The following KIAA1328 variants were observed in gnomAD, a reference collection of about 807,000 sequenced individuals.
KIAA1328 encodes protein hinderin.
Under a neutral mutation model 68.1 loss-of-function variants are expected in KIAA1328, and 52 were observed. The observed-to-expected ratio is 0.76, with a 90% CI of 0.61 to 0.96. KIAA1328 has a LOEUF of 0.96. Ranked by LOEUF, KIAA1328 falls within the 40% of genes least tolerant of loss-of-function variation. The pLI is 0.00. For synonymous variants in KIAA1328, 232 were observed against 239.4 expected (o/e 0.97, Z 0.28); for missense variants, 641 against 677.6 (o/e 0.95, Z 0.60).
chr18:37,106,556 C>T (rs2057781661), intron 7 of KIAA1328, among the ~76,000 whole-genome samples: 1 of 151,938 alleles, frequency 6.6e-6, no homozygotes, highest in African/African-American at 2.4e-5. Context: ...ATAGCTGGAA[C>T]TACAGGCGTG....
chr18:36,883,480 C>T (rs2048386101), intron 4 of KIAA1328, among the ~76,000 whole-genome samples: 1 of 152,210 alleles, frequency 6.6e-6, no homozygotes, highest in Admixed American at 6.5e-5. Flanking sequence ...TCTGAGCAGG[C>T]TGGGCATGCC....
At chr18:36,892,362 GA>G in intron 5 of KIAA1328, among the ~76,000 whole-genome samples, 1 of 152,234 alleles carries the variant, frequency 6.6e-6, no homozygotes, top group East Asian at 1.9e-4. Flanking sequence ...TTAAAATGAA[GA>G]AGACTGTAAA....
At chr18:36,989,652 A>G (rs2053089478) in intron 6 of KIAA1328, among the ~76,000 whole-genome samples, 1 of 152,116 alleles carries the variant, frequency 6.6e-6, no homozygotes, top group Non-Finnish European at 1.5e-5. Flanking sequence ...CAAATGATAT[A>G]TTTTTTTAAG....
At chr18:36,916,495 T>A (rs2049705261) in intron 5 of KIAA1328, among the ~76,000 whole-genome samples, 1 of 152,170 alleles carries the variant, frequency 6.6e-6, no homozygotes, top group South Asian at 2.1e-4. Context: ...ATGAATATAA[T>A]TATAGTAGCT....
intron 6 of KIAA1328, among the ~76,000 whole-genome samples, chr18:37,010,959 T>G (rs1240249569): frequency 1.3e-5 from 2 of 152,120 alleles, no homozygotes; most frequent in Non-Finnish European, 2.9e-5. Context: ...TGGTAAAATT[T>G]TTTGGTTATA....
intron 5 of KIAA1328, among the ~76,000 whole-genome samples, chr18:36,896,538 A>G: frequency 6.6e-6 from 1 of 152,128 alleles, no homozygotes; most frequent in Admixed American, 6.6e-5. Context: ...TAAGGATTTC[A>G]TTTCTTTTTG....
chr18:37,019,870 A>T (rs2054280510), intron 6 of KIAA1328, among the ~76,000 whole-genome samples: 2 of 152,166 alleles, frequency 1.3e-5, no homozygotes. Flanking sequence ...GCTGAAACAG[A>T]TGAGTGGGTA....
chr18:37,077,728 A>G (rs1263105931), intron 7 of KIAA1328, among the ~76,000 whole-genome samples: 1 of 136,294 alleles, frequency 7.3e-6, no homozygotes, highest in African/African-American at 3.2e-5. Context: ...CCCATTCACA[A>G]TTGCTTCAAA....
intron 9 of KIAA1328, among the ~76,000 whole-genome samples, chr18:37,217,663 A>G (rs1021987071): frequency 6.6e-6 from 1 of 152,220 alleles, no homozygotes; most frequent in East Asian, 1.9e-4. Flanking sequence ...TGCTCTTCTC[A>G]AGGAGTATCT....
intron 5 of KIAA1328, among the ~76,000 whole-genome samples, chr18:36,905,862 G>C (rs1472723461): frequency 2.6e-5 from 4 of 152,162 alleles, no homozygotes; most frequent in Non-Finnish European, 5.9e-5. Flanking sequence ...AATTAATTTA[G>C]ACATGGATTA....
intron 9 of KIAA1328, among the ~76,000 whole-genome samples, chr18:37,185,976 G>A (rs942578044): frequency 1.3e-5 from 2 of 151,070 alleles, no homozygotes; most frequent in African/African-American, 4.9e-5. Context: ...TGGCATTCTT[G>A]ATACTATTAG....
intron 9 of KIAA1328, among the ~76,000 whole-genome samples, chr18:37,212,545 A>G (rs2060337021): frequency 6.6e-6 from 1 of 152,160 alleles, no homozygotes; most frequent in Non-Finnish European, 1.5e-5. Flanking sequence ...TTAAAAGGAC[A>G]CCGATAAAGC....
intron 4 of KIAA1328, among the ~76,000 whole-genome samples, chr18:36,885,249 G>A (rs554778057): frequency 1.3e-3 from 204 of 152,064 alleles, no homozygotes; most frequent in African/African-American, 4.8e-3. Flanking sequence ...TTTAAAAATC[G>A]GAATATATTT....
chr18:37,101,490 G>A (rs323288), intron 7 of KIAA1328, among the ~76,000 whole-genome samples: 40,676 of 152,020 alleles, frequency 0.27, 8,587 homozygotes, highest in African/African-American at 0.59. Context: ...GGAAACGAAC[G>A]AAGCCTCCAA....
In KIAA1328 at chr18:37,155,259, C is replaced by T. The variant is rs565689287; in HGVS notation, c.1233-4941C>T. ...CATATTCTTTCTCAACTCTGCCTCC[C>T]TCAACTCTACCACCTCTAAACTCAC... On this transcript the variant is annotated intron_variant, in intron 7 of 9. Transcript: ENST00000280020. Among the ~76,000 whole-genome samples the T allele has an allele frequency of 4.3e-4, 65 of 152,296 alleles. 1 individual carries two copies. Among genetic ancestry groups the T allele is most frequent in the African/African-American group, 1.5e-3 (61 of 41,556 alleles).
intron 9 of KIAA1328, among the ~76,000 whole-genome samples, chr18:37,213,819 T>G (rs1280828444): frequency 6.6e-6 from 1 of 152,222 alleles, no homozygotes; most frequent in African/African-American, 2.4e-5. Flanking sequence ...TGTTATTTCC[T>G]GACTTTTTAA....
chr18:37,032,751 C>T (rs1003722735), intron 6 of KIAA1328, among the ~76,000 whole-genome samples: 1 of 152,144 alleles, frequency 6.6e-6, no homozygotes, highest in Admixed American at 6.5e-5. Flanking sequence ...AAGCGATTCT[C>T]CTGCCCCAGC....
At chr18:37,140,628 T>G (rs1844949433) in intron 7 of KIAA1328, among the ~76,000 whole-genome samples, 1 of 152,130 alleles carries the variant, frequency 6.6e-6, no homozygotes, top group South Asian at 2.1e-4. Context: ...GGAAATAGAG[T>G]TCAGTAAAAT....
At chr18:37,184,417 GGA>G (rs1599536755) in intron 9 of KIAA1328, among the ~76,000 whole-genome samples, 4 of 152,194 alleles carry the variant, frequency 2.6e-5, no homozygotes, top group Admixed American at 2.6e-4. Flanking sequence ...GTATCAATGA[GGA>G]TATCAGATAT....
Sources: allele counts gnomAD v4.1 joint callset (sites outside exome capture counted in the v4.1 genomes callset), GRCh38; gene constraint gnomAD v4.1.1; transcripts MANE v1.5; gene names NCBI Gene and HGNC (gene_info 2026-07-23, HGNC 2026-07-21).